FOXP1: variants seen among roughly 807,000 people sequenced by gnomAD.
FOXP1 encodes the protein forkhead box protein P1.
Under a neutral mutation model 98.2 loss-of-function variants are expected in FOXP1, and 15 were observed. The ratio of observed to expected loss-of-function variants is 0.15; its 90% CI spans 0.10 to 0.24. FOXP1 has a LOEUF of 0.24. FOXP1 is among the 10% of genes least tolerant of loss of function. The probability of loss-of-function intolerance (pLI) is 1.00; values close to 1 mark genes in which losing one functional copy is unlikely to be tolerated. For synonymous variants in FOXP1, 371 were observed against 314.5 expected, an observed-to-expected ratio of 1.18 and a Z score of -1.90; for missense variants, 633 against 848.5, an observed-to-expected ratio of 0.75 and a Z score of 3.15.
chr3:71,350,421 CT>C (rs2077701825), intron 4 of FOXP1, among the ~76,000 whole-genome samples: 1 of 152,188 alleles, frequency 6.6e-6, no homozygotes, highest in Non-Finnish European at 1.5e-5. Context: ...CTTGTAGCTT[CT>C]CTATCACCAT....
chr3:71,279,063 G>A (rs552349366), intron 5 of FOXP1, among the ~76,000 whole-genome samples: 6 of 150,590 alleles, frequency 4.0e-5, no homozygotes, highest in Non-Finnish European at 7.4e-5. Flanking sequence ...TGTGGTGGCA[G>A]GCACCTGTAA....
intron 13 of FOXP1, among the ~76,000 whole-genome samples, chr3:70,990,034 G>A (rs1015450097): frequency 1.2e-4 from 18 of 152,072 alleles, no homozygotes; most frequent in African/African-American, 4.1e-4. Flanking sequence ...AACTGCCATC[G>A]GAAACATTTT....
intron 6 of FOXP1, among the ~76,000 whole-genome samples, chr3:71,135,294 TAAG>T (rs1250747352): frequency 2.0e-5 from 3 of 149,256 alleles, no homozygotes; most frequent in Non-Finnish European, 3.0e-5. Flanking sequence ...AATCCCCTAT[TAAG>T]AAGAAATGTC....
chr3:71,573,438 T>G (rs2047490390), intron 2 of FOXP1: 1 of 144,954 alleles, frequency 6.9e-6, no homozygotes, highest in Non-Finnish European at 1.5e-5. Flanking sequence ...GCACCCCCAG[T>G]CAGCAGCAAG....
rs76430377 is a variant in FOXP1, at chr3:71,222,559, C to G, written c.-11-24167G>C. On this transcript the variant is annotated intron_variant, in intron 5 of 20. Coordinates refer to ENST00000649528, the MANE Select transcript of FOXP1 (RefSeq NM_001349338.3). ...TTAGCCTCCAGAGTAGCTGGGATTA[C>G]AGGTGCCCGCCACCACGCCTGGCTA... 9.9e-5 allele frequency among the ~76,000 whole-genome samples: 15 copies of G among 152,276 alleles called. 1 individual carries two copies. In the South Asian group the frequency reaches 3.1e-3, roughly 32 times the overall value.
chr3:71,583,962 T>C, upstream of FOXP1: 1 of 953,802 alleles, frequency 1.0e-6, no homozygotes, highest in Non-Finnish European at 1.2e-6. Flanking sequence ...CTCTTTGCCG[T>C]TCGCCGGGGC....
intron 3 of FOXP1, among the ~76,000 whole-genome samples, chr3:71,436,481 C>A (rs558671645): frequency 4.9e-5 from 3 of 61,714 alleles, no homozygotes; most frequent in Admixed American, 1.1e-4. Flanking sequence ...ATTTCAAATA[C>A]CCCATCTATC....
At chr3:71,340,193 AG>A (rs1312020163) in intron 4 of FOXP1, among the ~76,000 whole-genome samples, 3 of 152,226 alleles carry the variant, frequency 2.0e-5, no homozygotes, top group African/African-American at 7.2e-5. Context: ...ACTGCTGAAA[AG>A]GAACAAATTA....
chr3:71,467,208 C>T (rs772688776), intron 3 of FOXP1, among the ~76,000 whole-genome samples: 1 of 152,170 alleles, frequency 6.6e-6, no homozygotes, highest in Non-Finnish European at 1.5e-5. Flanking sequence ...TATGCACATA[C>T]ATATATATAC....
At chr3:71,274,963 C>A (rs1051965644) in intron 5 of FOXP1, among the ~76,000 whole-genome samples, 1 of 152,222 alleles carries the variant, frequency 6.6e-6, no homozygotes, top group East Asian at 1.9e-4. Flanking sequence ...CTCATATACA[C>A]ATAATTAAAC....
intron 6 of FOXP1, among the ~76,000 whole-genome samples, chr3:71,140,141 G>A (rs559104389): frequency 6.6e-6 from 1 of 152,134 alleles, no homozygotes; most frequent in Admixed American, 6.5e-5. Context: ...AAATGATTGG[G>A]ATCAATGATT....
intron 3 of FOXP1, among the ~76,000 whole-genome samples, chr3:71,370,101 G>A (rs1043562731): frequency 2.6e-5 from 4 of 152,160 alleles, no homozygotes; most frequent in Admixed American, 2.6e-4. Flanking sequence ...TTCTGACAGC[G>A]CTGTTGGACA....
intron 5 of FOXP1, among the ~76,000 whole-genome samples, chr3:71,293,433 C>G (rs2072969338): frequency 6.6e-6 from 1 of 151,302 alleles, no homozygotes; most frequent in African/African-American, 2.4e-5. Context: ...CACCTATGAA[C>G]AGCCACTGTA....
intron 7 of FOXP1, among the ~76,000 whole-genome samples, chr3:71,070,313 A>G (rs1001957492): frequency 6.6e-6 from 1 of 152,196 alleles, no homozygotes; most frequent in Admixed American, 6.5e-5. Context: ...CACCTAAGAG[A>G]ACAACCTGTA....
At chr3:71,457,375 T>G (rs1362008244) in intron 3 of FOXP1, among the ~76,000 whole-genome samples, 1 of 152,172 alleles carries the variant, frequency 6.6e-6, no homozygotes, top group Non-Finnish European at 1.5e-5. Context: ...TACTATCAAT[T>G]AGCATGGACC....
intron 5 of FOXP1, among the ~76,000 whole-genome samples, chr3:71,225,631 A>G (rs2065775258): frequency 6.6e-6 from 1 of 152,222 alleles, no homozygotes; most frequent in African/African-American, 2.4e-5. Context: ...CTGTCTGTTA[A>G]ACACTCCTGT....
rs544766693 is a variant in FOXP1, at chr3:70,958,311, CT to C, written c.*935del. 241 of 476,298 alleles carry C rather than the reference CT, an allele frequency of 5.1e-4. No homozygotes were observed. The highest frequency in any genetic ancestry group is 7.0e-4 in the South Asian group (39 of 56,114). 29.5% of individuals were successfully genotyped at this position (476,298 alleles called of 1,614,324 possible). On this transcript the variant is annotated 3_prime_UTR_variant, in exon 21 of 21. Transcript: ENST00000649528. The stretch of plus-strand genomic sequence containing the variant: ...GGCATTGTTCCTAGAGTTTGTCTCT[CT>C]TTTTTTTTTCTGTCATTCATTCTCT...
At chr3:71,347,697 C>A (rs2077454752) in intron 4 of FOXP1, among the ~76,000 whole-genome samples, 1 of 151,962 alleles carries the variant, frequency 6.6e-6, no homozygotes, top group Non-Finnish European at 1.5e-5. Flanking sequence ...ACCAGCCTGA[C>A]CAACATAGAG....
At chr3:71,146,112 G>C (rs1185338853) in intron 6 of FOXP1, among the ~76,000 whole-genome samples, 1 of 152,188 alleles carries the variant, frequency 6.6e-6, no homozygotes, top group African/African-American at 2.4e-5. Flanking sequence ...GAACAAACAG[G>C]ATGCTGTCAT....
Sources: gnomAD v4.1 joint callset for allele counts (sites outside exome capture counted in the v4.1 genomes callset) on GRCh38, gnomAD v4.1.1 for gene constraint, MANE v1.5 for transcripts, NCBI Gene and HGNC (gene_info 2026-07-23, HGNC 2026-07-21) for gene names.